The following FBXO45 variants were observed in gnomAD, a reference collection of about 807,000 sequenced individuals.
FBXO45 encodes F-box/SPRY domain-containing protein 1.
FBXO45 carries 3 observed loss-of-function variants against 25.5 expected under a neutral mutation model. That is an observed-to-expected ratio of 0.12 (90% CI 0.05 to 0.30). The LOEUF (loss-of-function observed/expected upper bound fraction) is 0.30. Ranked by LOEUF, FBXO45 falls within the 10% of genes least tolerant of loss-of-function variation. The pLI is 1.00. For synonymous variants in FBXO45, 155 were observed against 149.8 expected (o/e 1.03, Z -0.25); for missense variants, 219 against 365.0 (o/e 0.60, Z 3.26).
rs747138210 is a variant in FBXO45 at position 196,577,818 on chromosome 3, CTG to C, written c.675+10_675+11del. On this transcript the variant is annotated intron_variant, in intron 2 of 2. Coordinates refer to ENST00000311630, the MANE Select transcript of FBXO45 (RefSeq NM_001105573.2). ...ACGCACCAAAATATCAGGTGAGAAA[CTG>C]GGGTTTTTCTCAAGTATGGGCCTTT... 27 of 1,548,718 alleles carry C rather than the reference CTG, an allele frequency of 1.7e-5. No individual in the cohort carries two copies. Among genetic ancestry groups the C allele is most frequent in the African/African-American group, 2.7e-5 (2 of 73,792 alleles).
rs1255408511 is a variant in FBXO45 at position 196,585,600 on chromosome 3, G to C, written c.*1282G>C. The C allele has an allele frequency of 1.3e-5, 2 of 152,284 alleles. No homozygotes were observed. The highest frequency in any genetic ancestry group is 1.9e-4 in the East Asian group (1 of 5,188). The allele number at this position is 152,284 out of a possible 1,614,324, so 9.4% of individuals were successfully genotyped here. On this transcript the variant is annotated 3_prime_UTR_variant, in exon 3 of 3. Transcript: ENST00000311630. ...CAGGTTGGCAATATTTGAAGGTTTC[G>C]TTGTAGAAGAGTTTAACATTAACTC...
intron 1 of FBXO45, among the ~76,000 whole-genome samples, chr3:196,577,186 A>G (rs1394632766): frequency 6.6e-6 from 1 of 152,034 alleles, no homozygotes; most frequent in Admixed American, 6.5e-5. Context: ...TCTTTTTTGT[A>G]TCTTTTGATG....
At chr3:196,575,424 C>T (rs1212499375) in intron 1 of FBXO45, among the ~76,000 whole-genome samples, 1 of 146,666 alleles carries the variant, frequency 6.8e-6, no homozygotes, top group East Asian at 2.1e-4. Context: ...AGCCACTGCA[C>T]TCCAGCTTGG....
At chr3:196,583,830 AT>A (rs1490506722) in intron 2 of FBXO45, among the ~76,000 whole-genome samples, 1 of 152,060 alleles carries the variant, frequency 6.6e-6, no homozygotes, top group Non-Finnish European at 1.5e-5. Context: ...TAATTTTTGT[AT>A]TTTTAATAGA....
Position 196,577,436 on chromosome 3 carries a change from GTT to G in FBXO45, c.319-13_319-12del, listed in dbSNP as rs1735933906. On this transcript the variant is annotated splice_polypyrimidine_tract_variant and intron_variant, in intron 1 of 2. Transcript: ENST00000311630. ...AATAAAATTGTTATTTATTTGGTCT[GTT>G]TTTCATCTTTTTAGATACGTGCTTT... 6.5e-7 allele frequency: 1 copy of G among 1,533,664 alleles called. No homozygotes were observed. Among genetic ancestry groups the G allele is most frequent in the Admixed American group, 1.8e-5 (1 of 54,168 alleles).
chr3:196,575,193 C>A (rs1461099993), intron 1 of FBXO45, among the ~76,000 whole-genome samples: 1 of 152,138 alleles, frequency 6.6e-6, no homozygotes, highest in African/African-American at 2.4e-5. Flanking sequence ...TGGTGGCTCA[C>A]GCCTGTAATC....
In FBXO45 at chr3:196,584,467, A is replaced by G; in HGVS notation, c.*149A>G. 1.5e-6 allele frequency: 1 copy of G among 677,032 alleles called. No individual in the cohort carries two copies. The highest frequency in any genetic ancestry group is 2.3e-6 in the Non-Finnish European group (1 of 429,282). 41.9% of individuals were successfully genotyped at this position (677,032 alleles called of 1,614,324 possible). A position where few individuals can be genotyped will look rare whatever the true frequency, so the allele number is the denominator to read the frequency against. The stretch of plus-strand genomic sequence containing the variant: ...CTGGAGAAGCAGCTCTACAGCAGAG[A>G]TTATCTTCGTGTTTCCTCTTTCTAC... On this transcript the variant is annotated 3_prime_UTR_variant, in exon 3 of 3. Transcript: ENST00000311630. This position sits in a 1 kb window ranked among gnomAD's most constrained non-coding sequence, Gnocchi z 4.3.
chr3:196,572,074 T>C (rs1276273067), intron 1 of FBXO45, among the ~76,000 whole-genome samples: 1 of 152,174 alleles, frequency 6.6e-6, no homozygotes, highest in Non-Finnish European at 1.5e-5. Flanking sequence ...AGATTTGAGG[T>C]TGAGCTTATA....
At chr3:196,573,002 G>A (rs1378995721) in intron 1 of FBXO45, among the ~76,000 whole-genome samples, 4 of 152,008 alleles carry the variant, frequency 2.6e-5, no homozygotes, top group Non-Finnish European at 1.5e-5. Context: ...GCTCACTGCA[G>A]CCTTGAACTC....
In FBXO45 at chr3:196,584,611, G is replaced by A. The variant is rs1426791539; in HGVS notation, c.*293G>A. On this transcript the variant is annotated 3_prime_UTR_variant, in exon 3 of 3. Transcript: ENST00000311630. This position sits in a 1 kb window ranked among gnomAD's most constrained non-coding sequence, Gnocchi z 4.3. ...TATTTCCAGCTTTAAAGGTGAGATTGTAGAGATGCTGTCAAAGGGATAAGG... is the reference window on the plus strand; with the variant it reads ...TATTTCCAGCTTTAAAGGTGAGATTATAGAGATGCTGTCAAAGGGATAAGG... 2 of 246,448 alleles carry A rather than the reference G, an allele frequency of 8.1e-6. No individual in the cohort carries two copies. Among genetic ancestry groups the A allele is most frequent in the African/African-American group, 2.3e-5 (1 of 44,414 alleles). 15.3% of individuals were successfully genotyped at this position (246,448 alleles called of 1,614,324 possible). A position where few individuals can be genotyped will look rare whatever the true frequency, so the allele number is the denominator to read the frequency against.
Position 196,587,079 on chromosome 3 carries a change from C to T in FBXO45, c.*2761C>T, listed in dbSNP as rs1736125190. ...AGTGTAACTGAGTATACTTTGTTGA[C>T]TTGGGAAACCTGGAGCACTTTCTTT... is the stretch of plus-strand genomic sequence containing the variant. On this transcript the variant is annotated 3_prime_UTR_variant, in exon 3 of 3. Coordinates refer to ENST00000311630, the MANE Select transcript of FBXO45 (RefSeq NM_001105573.2). 1 of 152,170 alleles carries T rather than the reference C, an allele frequency of 6.6e-6. No homozygotes were observed. Among genetic ancestry groups the T allele is most frequent in the Admixed American group, 6.5e-5 (1 of 15,272 alleles). 9.4% of individuals were successfully genotyped at this position (152,170 alleles called of 1,614,324 possible). A position where few individuals can be genotyped will look rare whatever the true frequency, so the allele number is the denominator to read the frequency against.
In FBXO45 at chr3:196,570,706, TTTTTTC is replaced by T. The variant is rs1330462839; in HGVS notation, c.318+1410_318+1415del. Among the ~76,000 whole-genome samples, 44 of 129,894 alleles carry T rather than the reference TTTTTTC, an allele frequency of 3.4e-4. 4 individuals are homozygous for T. Among genetic ancestry groups the T allele is most frequent in the South Asian group, 2.2e-3 (9 of 4,096 alleles). 85.2% of individuals were successfully genotyped at this position (129,894 alleles called of 152,430 possible). On this transcript the variant is annotated intron_variant, in intron 1 of 2. Coordinates refer to ENST00000311630, the MANE Select transcript of FBXO45 (RefSeq NM_001105573.2). ...AAACTATCAAGTTGTTTCTCTTTTC[TTTTTTC>T]TTTTTTTTTTTTTTTTTGAGACGGA... is the stretch of plus-strand genomic sequence containing the variant.
Position 196,584,163 on chromosome 3 carries a change from A to G in FBXO45, c.706A>G (p.Met236Val). 6.2e-7 allele frequency: 1 copy of G among 1,613,874 alleles called. No homozygotes were observed. Reference protein sequence around the residue: ...IGERIRVILDMEDKTLAFERG... With the variant: ...IGERIRVILDVEDKTLAFERG... ...AGAAAGAATTCGAGTCATCTTGGAC[A>G]TGGAAGATAAGACTTTAGCTTTTGA... The change falls in exon 3 of 3, where the codon ATG becomes GTG. Residue 236 changes from methionine (M) to valine (V), a missense_variant. By Grantham distance (21) the Met-to-Val change is conservative. Around this residue, in one of 4 missense-constraint regions of FBXO45, gnomAD observed 34 missense variants for 48.2 expected, o/e 0.70. Coordinates refer to ENST00000311630, the MANE Select transcript of FBXO45 (RefSeq NM_001105573.2). This position sits in a 1 kb window ranked among gnomAD's most constrained non-coding sequence, Gnocchi z 4.3.
At chr3:196,577,432 G>A in intron 1 of FBXO45, 21 bp from the exon 2 acceptor site, 7 of 1,494,404 alleles carry the variant, frequency 4.7e-6, no homozygotes, top group Non-Finnish European at 6.3e-6. Context: ...TATTTATTTG[G>A]TCTGTTTTTC....
At chr3:196,570,295 TGGC>T (rs1735786452) in intron 1 of FBXO45, among the ~76,000 whole-genome samples, 1 of 146,738 alleles carries the variant, frequency 6.8e-6, no homozygotes, top group Non-Finnish European at 1.5e-5. Flanking sequence ...CGGAGTGCAA[TGGC>T]GTGATCTCGG....
At chr3:196,570,234 G>A (rs932021819) in intron 1 of FBXO45, among the ~76,000 whole-genome samples, 4 of 150,896 alleles carry the variant, frequency 2.7e-5, no homozygotes, top group African/African-American at 9.8e-5. Context: ...CATAATGAAT[G>A]CATTAGTAAC....
intron 1 of FBXO45, among the ~76,000 whole-genome samples, chr3:196,570,610 G>T (rs1735803901): frequency 6.6e-6 from 1 of 151,826 alleles, no homozygotes. Context: ...TGTGAAGCAT[G>T]TAAAATTTAT....
At chr3:196,574,649 AT>A (rs1197357807) in intron 1 of FBXO45, among the ~76,000 whole-genome samples, 4 of 151,900 alleles carry the variant, frequency 2.6e-5, no homozygotes, top group African/African-American at 9.7e-5. Context: ...ATTAGATTAG[AT>A]TTTTTTTGCA....
chr3:196,578,642 G>A (rs546902899), intron 2 of FBXO45, among the ~76,000 whole-genome samples: 1 of 151,914 alleles, frequency 6.6e-6, no homozygotes, highest in Non-Finnish European at 1.5e-5. Context: ...CTTATTTATG[G>A]GCTGCAGGAC....
Sources: allele counts gnomAD v4.1 joint callset (sites outside exome capture counted in the v4.1 genomes callset), GRCh38; gene constraint gnomAD v4.1.1; regional missense constraint gnomAD v4.1.1; non-coding constraint Gnocchi (gnomAD v3.1); transcripts MANE v1.5; gene names NCBI Gene and HGNC (gene_info 2026-07-23, HGNC 2026-07-21).